Variants in KCND2 observed in about 807,000 individuals in gnomAD.
KCND2 encodes the protein A-type voltage-gated potassium channel KCND2.
A neutral mutation model predicts 54.4 loss-of-function variants in KCND2; 16 were observed. That is an observed-to-expected ratio of 0.29 (90% CI 0.20 to 0.45). The LOEUF is 0.45. KCND2 is among the 20% of genes least tolerant of loss of function. The pLI, the probability that KCND2 is intolerant of heterozygous loss-of-function variation, is 1.00. For synonymous variants in KCND2, 317 were observed against 310.7 expected (o/e 1.02, Z -0.21); for missense variants, 486 against 824.2 (o/e 0.59, Z 5.02).
chr7:120,719,673 G>T (rs11983106), intron 1 of KCND2, among the ~76,000 whole-genome samples: 11,659 of 151,860 alleles, frequency 0.077, 531 homozygotes, highest in South Asian at 0.081. Flanking sequence ...TCATTAGCAT[G>T]ATTAAAAAAA....
chr7:120,714,856 G>GTATATA (rs58668446), intron 1 of KCND2, among the ~76,000 whole-genome samples: 10 of 149,236 alleles, frequency 6.7e-5, no homozygotes, highest in South Asian at 2.1e-4. Context: ...GTTGTATCGG[G>GTATATA]TATATATATA....
chr7:120,351,266 A>ATATATATATATATATATATATC (rs1375713144), intron 1 of KCND2, among the ~76,000 whole-genome samples: 1 of 145,304 alleles, frequency 6.9e-6, no homozygotes, highest in African/African-American at 2.5e-5. Flanking sequence ...ATATATATAT[A>ATATATATATATATATATATATC]TCCAGTATAT....
At chr7:120,393,925 TATC>T (rs1308500389) in intron 1 of KCND2, among the ~76,000 whole-genome samples, 3 of 152,008 alleles carry the variant, frequency 2.0e-5, no homozygotes, top group African/African-American at 4.8e-5. Flanking sequence ...TCACAAAACA[TATC>T]ATAAGAGAGA....
chr7:120,489,898 A>G (rs770697404), intron 1 of KCND2, among the ~76,000 whole-genome samples: 2 of 152,150 alleles, frequency 1.3e-5, no homozygotes, highest in Non-Finnish European at 2.9e-5. Context: ...TTCTGAAAAC[A>G]TTTTGGAAAT....
chr7:120,596,936 A>G (rs572931497), intron 1 of KCND2, among the ~76,000 whole-genome samples: 10 of 152,364 alleles, frequency 6.6e-5, no homozygotes, highest in Admixed American at 2.6e-4. Flanking sequence ...TGAAGAATAT[A>G]TATCGATTTC....
At chr7:120,602,085 CAACT>C (rs1363000982) in intron 1 of KCND2, among the ~76,000 whole-genome samples, 2 of 152,144 alleles carry the variant, frequency 1.3e-5, no homozygotes, top group Non-Finnish European at 2.9e-5. Context: ...ACTTCCATAC[CAACT>C]GACAGAATGA....
chr7:120,581,989 C>G (rs1329258900), intron 1 of KCND2, among the ~76,000 whole-genome samples: 1 of 152,162 alleles, frequency 6.6e-6, no homozygotes, highest in African/African-American at 2.4e-5. Context: ...GCTGGGATTA[C>G]AGGTGTGAGC....
At chr7:120,400,899 T>A (rs540126179) in intron 1 of KCND2, among the ~76,000 whole-genome samples, 79 of 151,900 alleles carry the variant, frequency 5.2e-4, no homozygotes, top group African/African-American at 1.8e-3. Flanking sequence ...CTTTGGGCAA[T>A]TAAGTGTTAA....
At chr7:120,666,991 G>GGA (rs556617560) in intron 1 of KCND2, among the ~76,000 whole-genome samples, 251 of 151,892 alleles carry the variant, frequency 1.7e-3, no homozygotes, top group African/African-American at 5.6e-3. Flanking sequence ...AAGAGGAGAG[G>GGA]GAGAGAGAGA....
intron 1 of KCND2, among the ~76,000 whole-genome samples, chr7:120,651,829 A>G (rs1028233026): frequency 1.3e-5 from 2 of 152,140 alleles, no homozygotes; most frequent in Non-Finnish European, 2.9e-5. Context: ...TCCACCTTAA[A>G]TTAAGTATCT....
chr7:120,671,172 A>G (rs898846037), intron 1 of KCND2, among the ~76,000 whole-genome samples: 38 of 152,036 alleles, frequency 2.5e-4, no homozygotes, highest in African/African-American at 8.2e-4. Context: ...CACAAATGCC[A>G]TAGATCGGGG....
At chr7:120,685,203 A>T (rs943659231) in intron 1 of KCND2, among the ~76,000 whole-genome samples, 4 of 152,192 alleles carry the variant, frequency 2.6e-5, no homozygotes, top group Admixed American at 2.6e-4. Context: ...GAAACTCTGT[A>T]CATGCCTAAA....
intron 1 of KCND2, among the ~76,000 whole-genome samples, chr7:120,483,433 G>A (rs1802635284): frequency 6.6e-6 from 1 of 152,188 alleles, no homozygotes; most frequent in African/African-American, 2.4e-5. Flanking sequence ...ATAGATCTGT[G>A]AGTTGTTTGC....
At chr7:120,512,462 C>T (rs1392174977) in intron 1 of KCND2, among the ~76,000 whole-genome samples, 1 of 151,614 alleles carries the variant, frequency 6.6e-6, no homozygotes, top group Non-Finnish European at 1.5e-5. Context: ...ATTAGCATCA[C>T]ATCAACTTCT....
At chr7:120,659,890 G>A (rs918115578) in intron 1 of KCND2, among the ~76,000 whole-genome samples, 9 of 152,164 alleles carry the variant, frequency 5.9e-5, no homozygotes, top group Non-Finnish European at 1.0e-4. Flanking sequence ...GCAGACCCAC[G>A]TAGTTCAAAC....
intron 2 of KCND2, among the ~76,000 whole-genome samples, chr7:120,733,348 A>T (rs1562923259): frequency 6.6e-6 from 1 of 152,120 alleles, no homozygotes; most frequent in African/African-American, 2.4e-5. Context: ...AAAGGGCATG[A>T]TGAATCACAC....
Position 120,325,614 on chromosome 7 carries a change from C to T in KCND2, c.1115+49867C>T, listed in dbSNP as rs563109367. Among the ~76,000 whole-genome samples, 80 of 151,728 alleles carry T rather than the reference C, an allele frequency of 5.3e-4. 1 individual carries two copies. The highest frequency in any genetic ancestry group is 1.6e-3 in the African/African-American group (68 of 41,390). ...ATGCTGGATTACATTTATTGATTTG[C>T]GTATATTGAACCAGCCTTGCATCCC... On this transcript the variant is annotated intron_variant, in intron 1 of 5. Transcript: ENST00000331113.
intron 1 of KCND2, among the ~76,000 whole-genome samples, chr7:120,428,199 A>T (rs1479154426): frequency 6.6e-6 from 1 of 152,238 alleles, no homozygotes; most frequent in Non-Finnish European, 1.5e-5. Context: ...GATTCCAAAA[A>T]ACCAAGTCAA....
At chr7:120,356,328 A>G (rs749802230) in intron 1 of KCND2, among the ~76,000 whole-genome samples, 6 of 152,190 alleles carry the variant, frequency 3.9e-5, no homozygotes, top group Non-Finnish European at 7.3e-5. Context: ...TGCCTTTAAC[A>G]TCATGTAAAC....
Sources: gnomAD v4.1 joint callset for allele counts (sites outside exome capture counted in the v4.1 genomes callset) on GRCh38, gnomAD v4.1.1 for gene constraint, MANE v1.5 for transcripts, NCBI Gene and HGNC (gene_info 2026-07-23, HGNC 2026-07-21) for gene names.